Variants in EDDM13 observed in about 807,000 individuals in gnomAD.
EDDM13 encodes epididymal protein 13.
In EDDM13, 24 loss-of-function variants were observed where a neutral mutation model predicts 17.8. The observed-to-expected ratio is 1.35, with a 90% CI of 0.98 to 1.90. EDDM13 has a LOEUF of 1.90. Ranked by LOEUF, EDDM13 falls within the 40% of genes most tolerant of loss-of-function variation. The pLI, the probability that EDDM13 is intolerant of heterozygous loss-of-function variation, is 0.00. For synonymous variants in EDDM13, 31 were observed against 37.5 expected, an observed-to-expected ratio of 0.83 and a Z score of 0.63; for missense variants, 97 against 100.8, an observed-to-expected ratio of 0.96 and a Z score of 0.16.
At chr19:56,276,037 T>C (rs970688421) in intron 1 of EDDM13, among the ~76,000 whole-genome samples, 55 bp from the exon 2 acceptor site, 5 of 152,186 alleles carry the variant, frequency 3.3e-5, no homozygotes, top group African/African-American at 1.2e-4. Context: ...TGCTAATTTC[T>C]CTCTCTGCTC....
intron 14 of EDDM13, among the ~76,000 whole-genome samples, chr19:56,308,918 C>T (rs1320420076): frequency 6.6e-6 from 1 of 152,168 alleles, no homozygotes; most frequent in African/African-American, 2.4e-5. Context: ...TGCTTTCAAC[C>T]CATTAGGCAA....
chr19:56,303,985 G>C (rs914995292), intron 13 of EDDM13, among the ~76,000 whole-genome samples: 2 of 152,156 alleles, frequency 1.3e-5, no homozygotes, highest in Non-Finnish European at 2.9e-5. Flanking sequence ...GGGCAGGGGG[G>C]TCCAGGTCAT....
At chr19:56,284,513 A>ATTTTTTTTTTTTTTTTTTTTTTTTTTTT (rs11374260) in intron 5 of EDDM13, among the ~76,000 whole-genome samples, 1 of 118,318 alleles carries the variant, frequency 8.5e-6, no homozygotes. Flanking sequence ...GCTTGCTGTA[A>ATTTTTTTTTTTTTTTTTTTTTTTTTTTT]TTTTTTTTTT....
At chr19:56,309,371 A>AAGTGAC (rs2040891080) in intron 14 of EDDM13, among the ~76,000 whole-genome samples, 1 of 152,220 alleles carries the variant, frequency 6.6e-6, no homozygotes, top group African/African-American at 2.4e-5. Flanking sequence ...CCACTCTTAG[A>AAGTGAC]AGTGACAATT....
intron 12 of EDDM13, among the ~76,000 whole-genome samples, chr19:56,301,458 C>A (rs2040224831): frequency 6.6e-6 from 1 of 152,112 alleles, no homozygotes; most frequent in East Asian, 1.9e-4. Flanking sequence ...CAGTGAGGAC[C>A]ACCAGAGGTC....
intron 12 of EDDM13, 161 bp from the exon 13 acceptor site, chr19:56,301,807 G>A: frequency 1.4e-6 from 1 of 711,970 alleles, no homozygotes. Context: ...AACCAAGAAG[G>A]GGGAAGCTGG....
At chr19:56,284,271 G>A in intron 5 of EDDM13, 65 bp downstream of exon 5, 1 of 643,906 alleles carries the variant, frequency 1.6e-6, no homozygotes, top group Non-Finnish European at 1.9e-6. Context: ...TTTGGGCTTT[G>A]CTCTAGAATG....
chr19:56,289,097 G>T (rs1283143836), intron 8 of EDDM13, among the ~76,000 whole-genome samples: 2 of 152,150 alleles, frequency 1.3e-5, no homozygotes, highest in African/African-American at 4.8e-5. Context: ...AACCACCTCT[G>T]CAAGGGGAGA....
At chr19:56,297,633 G>C in intron 12 of EDDM13, 102 bp downstream of exon 12, 3 of 650,714 alleles carry the variant, frequency 4.6e-6, no homozygotes, top group African/African-American at 2.2e-5. Context: ...GGTAATCAAG[G>C]CCCTGCAGGG....
At chr19:56,296,311 C>G (rs1012909415) in intron 10 of EDDM13, 25 bp from the exon 11 acceptor site, 6 of 152,210 alleles carry the variant, frequency 3.9e-5, no homozygotes, top group African/African-American at 1.4e-4. Flanking sequence ...TTCTGACTCG[C>G]GTTGTATGCC....
intron 14 of EDDM13, among the ~76,000 whole-genome samples, chr19:56,309,806 C>T (rs565450757): frequency 3.6e-4 from 55 of 152,258 alleles, no homozygotes; most frequent in Non-Finnish European, 5.7e-4. Context: ...CTGGAGGGGG[C>T]GCTGCTTCCC....
intron 12 of EDDM13, among the ~76,000 whole-genome samples, chr19:56,299,060 T>C (rs1481241637): frequency 1.3e-5 from 2 of 152,206 alleles, no homozygotes; most frequent in African/African-American, 2.4e-5. Flanking sequence ...TCCCACCTTA[T>C]TAACATAAAA....
intron 9 of EDDM13, among the ~76,000 whole-genome samples, chr19:56,295,549 C>T (rs1002762135): frequency 6.6e-6 from 1 of 151,984 alleles, no homozygotes; most frequent in Admixed American, 6.6e-5. Flanking sequence ...GAGCCGAGAT[C>T]GTCCCACTGC....
chr19:56,280,290 C>T (rs78534269), intron 2 of EDDM13, among the ~76,000 whole-genome samples: 17 of 152,110 alleles, frequency 1.1e-4, no homozygotes, highest in African/African-American at 2.4e-4. Context: ...CTTATTTATA[C>T]GTTTTTGGCT....
At chr19:56,288,819 T>C (rs1246364446) in intron 7 of EDDM13, among the ~76,000 whole-genome samples, 55 bp from the exon 8 acceptor site, 1 of 152,214 alleles carries the variant, frequency 6.6e-6, no homozygotes, top group Non-Finnish European at 1.5e-5. Context: ...TGTTGATTTC[T>C]CTCTCTACTC....
At chr19:56,285,312 T>C (rs1033165372) in intron 6 of EDDM13, among the ~76,000 whole-genome samples, 1 of 152,220 alleles carries the variant, frequency 6.6e-6, no homozygotes, top group South Asian at 2.1e-4. Flanking sequence ...GTCAAAATCA[T>C]TCTCTTCACC....
intron 14 of EDDM13, among the ~76,000 whole-genome samples, chr19:56,308,191 G>T (rs1490607163): frequency 6.7e-6 from 1 of 149,542 alleles, no homozygotes; most frequent in African/African-American, 2.5e-5. Context: ...GTGCCACCAC[G>T]CCCAGCTAAG....
At chr19:56,301,288 T>C (rs905467129) in intron 12 of EDDM13, among the ~76,000 whole-genome samples, 2 of 152,166 alleles carry the variant, frequency 1.3e-5, no homozygotes, top group Non-Finnish European at 2.9e-5. Context: ...ATTTATGAGT[T>C]TTCCAGGGAA....
intron 14 of EDDM13, among the ~76,000 whole-genome samples, chr19:56,307,812 A>T (rs1047594145): frequency 1.3e-5 from 2 of 152,222 alleles, no homozygotes; most frequent in Admixed American, 1.3e-4. Flanking sequence ...CACCTATTTT[A>T]AAAAATAGTT....
Sources: gnomAD v4.1 joint callset for allele counts (sites outside exome capture counted in the v4.1 genomes callset) on GRCh38, gnomAD v4.1.1 for gene constraint, MANE v1.5 for transcripts, NCBI Gene and HGNC (gene_info 2026-07-23, HGNC 2026-07-21) for gene names.